Variants in MAGI1 observed in about 807,000 individuals in gnomAD.
MAGI1 encodes the protein membrane associated guanylate kinase, WW and PDZ domain containing 1.
Under a neutral mutation model 139.9 loss-of-function variants are expected in MAGI1, and 58 were observed. The observed-to-expected ratio is 0.41, with a 90% CI of 0.34 to 0.52. The LOEUF is 0.52. Among genes scored for constraint, MAGI1 ranks in the 20% least tolerant of loss-of-function variants. The probability of loss-of-function intolerance (pLI) is 0.12; values close to 1 mark genes in which losing one functional copy is unlikely to be tolerated. For missense variants in MAGI1, 1,874 were observed against 1,901.6 expected (o/e 0.99, Z 0.27); for synonymous variants, 812 against 737.9 (o/e 1.10, Z -1.63).
chr3:65,663,153 T>C (rs2086299080), intron 1 of MAGI1, among the ~76,000 whole-genome samples: 1 of 152,204 alleles, frequency 6.6e-6, no homozygotes, highest in Non-Finnish European at 1.5e-5. Flanking sequence ...CAAATATAAA[T>C]TTAACATAGT....
chr3:65,461,478 G>GT (rs1949787055), intron 5 of MAGI1, among the ~76,000 whole-genome samples: 1 of 118,162 alleles, frequency 8.5e-6, no homozygotes, highest in African/African-American at 3.1e-5. Flanking sequence ...GCCTCCCAAT[G>GT]TTTCTTGACT....
rs1213707816 is a variant in MAGI1, at chr3:65,356,057, T to C, written c.*321A>G. On this transcript the variant is annotated 3_prime_UTR_variant, in exon 23 of 23. Coordinates refer to ENST00000402939, the MANE Select transcript of MAGI1 (RefSeq NM_001033057.2). ...CCCATTTAACCAGGAGAGAAAAAGA[T>C]TGCCCCAAAACGGGAACAATTCTTG... The C allele has an allele frequency of 2.5e-5, 5 of 201,436 alleles. No homozygotes were observed. In the East Asian group the frequency reaches 5.0e-4, roughly 20 times the overall value. The allele number at this position is 201,436 out of a possible 1,614,324, so 12.5% of individuals were successfully genotyped here.
At chr3:65,397,054 G>T (rs1031718102) in intron 13 of MAGI1, among the ~76,000 whole-genome samples, 9 of 152,242 alleles carry the variant, frequency 5.9e-5, no homozygotes, top group African/African-American at 2.2e-4. Flanking sequence ...GCCACGGGAA[G>T]TGAGAGGCAA....
chr3:65,750,336 C>T (rs1369119737), intron 1 of MAGI1, among the ~76,000 whole-genome samples: 2 of 152,010 alleles, frequency 1.3e-5, no homozygotes, highest in Non-Finnish European at 2.9e-5. Context: ...GGGATTTATA[C>T]GTACAGTGGT....
chr3:65,433,841 T>C (rs909670658), intron 10 of MAGI1, among the ~76,000 whole-genome samples: 1 of 152,130 alleles, frequency 6.6e-6, no homozygotes, highest in Admixed American at 6.5e-5. Context: ...TTAAATACCC[T>C]AGACCAGTAC....
intron 12 of MAGI1, among the ~76,000 whole-genome samples, chr3:65,414,590 T>C (rs1049199922): frequency 6.6e-6 from 1 of 152,202 alleles, no homozygotes; most frequent in Non-Finnish European, 1.5e-5. Context: ...GGCCTTTCCC[T>C]AGAGCAGTGA....
chr3:65,603,675 T>A (rs935245355), intron 2 of MAGI1, among the ~76,000 whole-genome samples: 2 of 152,268 alleles, frequency 1.3e-5, no homozygotes, highest in African/African-American at 4.8e-5. Context: ...GGAATAGCCT[T>A]GTCTTTCTTT....
intron 1 of MAGI1, among the ~76,000 whole-genome samples, chr3:65,950,044 C>CAAAAAAAAAAAAAAAAAA (rs143046732): frequency 2.0e-5 from 1 of 49,792 alleles, no homozygotes; most frequent in Non-Finnish European, 3.4e-5. Flanking sequence ...GCCAGATCAT[C>CAAAAAAAAAAAAAAAAAA]AAAAAAAAAA....
intron 2 of MAGI1, among the ~76,000 whole-genome samples, chr3:65,559,423 A>C (rs997012044): frequency 4.6e-5 from 7 of 152,352 alleles, no homozygotes; most frequent in Admixed American, 4.6e-4. Flanking sequence ...TGAGTCCATA[A>C]TATTTTCAGT....
chr3:65,626,065 C>T (rs2083953281), intron 1 of MAGI1, among the ~76,000 whole-genome samples: 1 of 152,168 alleles, frequency 6.6e-6, no homozygotes, highest in Non-Finnish European at 1.5e-5. Flanking sequence ...GCAAAATTCC[C>T]ATTGCCTGCA....
rs771709988 is a variant in MAGI1 at position 65,357,071 on chromosome 3, G to C, written c.3696C>G (p.Ala1232=). 2.0e-5 allele frequency: 33 copies of C among 1,614,028 alleles called. No individual in the cohort carries two copies. Among genetic ancestry groups the C allele is most frequent in the South Asian group, 7.7e-5 (7 of 91,088 alleles). The change falls in exon 23 of 23, where the codon GCC becomes GCG. Residue 1232 remains alanine (A), a synonymous_variant. Transcript: ENST00000402939. ...ACGGATGCTGCCGGCGGTCGGGCCC[G>C]GCCCTCACTTCCGGAACACCTTGTG... is the stretch of plus-strand genomic sequence containing the variant. ...TGPQGVPEVR[A]GPDRRQHPSL...
chr3:65,680,641 G>A (rs897709278), intron 1 of MAGI1, among the ~76,000 whole-genome samples: 1 of 152,056 alleles, frequency 6.6e-6, no homozygotes, highest in East Asian at 1.9e-4. Context: ...GGCTGGTCTT[G>A]AACTCCTGAA....
At chr3:65,418,251 A>T (rs1575672870) in intron 12 of MAGI1, among the ~76,000 whole-genome samples, 1 of 152,146 alleles carries the variant, frequency 6.6e-6, no homozygotes, top group African/African-American at 2.4e-5. Context: ...TACTGACGGT[A>T]AAGCTCACTT....
At chr3:65,944,271 T>C (rs2063454307) in intron 1 of MAGI1, among the ~76,000 whole-genome samples, 1 of 152,104 alleles carries the variant, frequency 6.6e-6, no homozygotes. Flanking sequence ...ATCCCAGCCC[T>C]TTGGAAGGCA....
At chr3:65,993,863 C>CCAT (rs2066302412) in intron 1 of MAGI1, among the ~76,000 whole-genome samples, 1 of 152,110 alleles carries the variant, frequency 6.6e-6, no homozygotes, top group Admixed American at 6.6e-5. Context: ...AGGTTCATGC[C>CCAT]CATAACCTCT....
intron 5 of MAGI1, among the ~76,000 whole-genome samples, chr3:65,458,385 C>T (rs1289588816): frequency 6.6e-6 from 1 of 151,570 alleles, no homozygotes; most frequent in African/African-American, 2.4e-5. Flanking sequence ...GGAGGAACCC[C>T]CAAACCGTTT....
intron 1 of MAGI1, among the ~76,000 whole-genome samples, chr3:65,735,526 G>A (rs760397593): frequency 6.6e-6 from 1 of 152,026 alleles, no homozygotes; most frequent in Non-Finnish European, 1.5e-5. Context: ...ACAGATCCAG[G>A]GCAATCTGAA....
At chr3:65,885,547 A>G (rs571861104) in intron 1 of MAGI1, among the ~76,000 whole-genome samples, 6 of 152,214 alleles carry the variant, frequency 3.9e-5, no homozygotes, top group African/African-American at 1.2e-4. Context: ...CTTAATCCTT[A>G]CATGTCATGG....
At chr3:65,737,812 T>C (rs2034904252) in intron 1 of MAGI1, among the ~76,000 whole-genome samples, 1 of 152,144 alleles carries the variant, frequency 6.6e-6, no homozygotes, top group Admixed American at 6.5e-5. Context: ...GCAAATGGGT[T>C]GGAAGGGGTG....
Sources: allele counts gnomAD v4.1 joint callset (sites outside exome capture counted in the v4.1 genomes callset), GRCh38; gene constraint gnomAD v4.1.1; transcripts MANE v1.5; gene names NCBI Gene and HGNC (gene_info 2026-07-23, HGNC 2026-07-21).